ARHGEF37: variants seen among roughly 807,000 people sequenced by gnomAD.
The protein encoded by ARHGEF37 is Rho guanine nucleotide exchange factor 37, also known as Rho guanine nucleotide exchange factor (GEF) 37.
ARHGEF37 carries 55 observed loss-of-function variants against 71.1 expected under a neutral mutation model. That is an observed-to-expected ratio of 0.77 (90% CI 0.62 to 0.97). The LOEUF (loss-of-function observed/expected upper bound fraction) is 0.97, where lower values mean the gene tolerates loss of function less well. Among genes scored for constraint, ARHGEF37 ranks in the 50% least tolerant of loss-of-function variants. The pLI, the probability that ARHGEF37 is intolerant of heterozygous loss-of-function variation, is 0.00. For synonymous variants in ARHGEF37, 327 were observed against 350.6 expected, an observed-to-expected ratio of 0.93 and a Z score of 0.75; for missense variants, 765 against 836.8, an observed-to-expected ratio of 0.91 and a Z score of 1.06.
chr5:149,551,625 A>C (rs1264025662), upstream of ARHGEF37: 1 of 152,120 alleles, frequency 6.6e-6, no homozygotes, highest in Non-Finnish European at 1.5e-5. Context: ...GCTCTCTTCC[A>C]CTTCCGGTCG....
At chr5:149,590,795 C>T (rs1763384019) in intron 1 of ARHGEF37, among the ~76,000 whole-genome samples, 1 of 152,040 alleles carries the variant, frequency 6.6e-6, no homozygotes, top group African/African-American at 2.4e-5. Context: ...GATGGGGTTT[C>T]ACCACGTTGC....
intron 1 of ARHGEF37, among the ~76,000 whole-genome samples, chr5:149,590,953 A>G (rs1763387973): frequency 6.6e-6 from 1 of 152,240 alleles, no homozygotes; most frequent in Non-Finnish European, 1.5e-5. Flanking sequence ...AATCAAACAC[A>G]AACATGTATT....
chr5:149,554,846 T>C (rs910699542), intron 1 of ARHGEF37, among the ~76,000 whole-genome samples: 3 of 152,052 alleles, frequency 2.0e-5, no homozygotes, highest in African/African-American at 7.2e-5. Flanking sequence ...GAAAGGAGTC[T>C]TTTAGGCCAG....
At chr5:149,552,098 A>G (rs1215976315) in exon 1 of ARHGEF37, 1 of 151,996 alleles carries the variant, frequency 6.6e-6, no homozygotes, top group Non-Finnish European at 1.5e-5. Flanking sequence ...CCTCACTACC[A>G]CATATGATCT....
Position 149,628,646 on chromosome 5 carries a change from C to T in ARHGEF37, c.1661-163C>T, listed in dbSNP as rs1009610838. ...GGGGTGTGTGAGCAGAAGCCAGAAA[C>T]GGTGAGTGTGGGGCAGGGGGGTTCA... On this transcript the variant is annotated intron_variant, in intron 11 of 12. Coordinates refer to ENST00000333677, the MANE Select transcript of ARHGEF37 (RefSeq NM_001001669.3). 1.4e-4 allele frequency among the ~76,000 whole-genome samples: 21 copies of T among 152,298 alleles called. No individual in the cohort carries two copies. In the East Asian group the frequency reaches 1.7e-3, roughly 13 times the overall value.
chr5:149,619,201 A>G (rs1752465202), intron 7 of ARHGEF37, among the ~76,000 whole-genome samples, 159 bp downstream of exon 7: 1 of 151,816 alleles, frequency 6.6e-6, no homozygotes, highest in African/African-American at 2.4e-5. Flanking sequence ...GCTGGCCAGC[A>G]CTCCTCAGCC....
intron 1 of ARHGEF37, among the ~76,000 whole-genome samples, chr5:149,588,188 T>C (rs994379194): frequency 6.8e-6 from 1 of 147,330 alleles, no homozygotes. Flanking sequence ...TGAGCCACGG[T>C]GCCCGGCCTT....
Position 149,588,546 on chromosome 5 carries a change from G to A in ARHGEF37, c.-12+6922G>A, listed in dbSNP as rs138814111. The stretch of plus-strand genomic sequence containing the variant: ...ACTCCTGGCCTCATGTGATCTGCCC[G>A]CCTGACCTTCCAAAGTGCTGGGATT... On this transcript the variant is annotated intron_variant, in intron 1 of 12. Coordinates refer to ENST00000333677, the MANE Select transcript of ARHGEF37 (RefSeq NM_001001669.3). Among the ~76,000 whole-genome samples, 307 of 151,944 alleles carry A rather than the reference G, an allele frequency of 2.0e-3. 1 individual carries two copies. The highest frequency in any genetic ancestry group is 7.1e-3 in the African/African-American group (296 of 41,454).
Position 149,618,410 on chromosome 5 carries a change from A to G in ARHGEF37, c.789+104A>G, listed in dbSNP as rs532667185. The G allele has an allele frequency of 9.4e-4, 1,414 of 1,511,000 alleles. 1 individual carries two copies. The highest frequency in any genetic ancestry group is 1.2e-3 in the Non-Finnish European group (1,309 of 1,122,234). The allele number at this position is 1,511,000 out of a possible 1,614,324, so 93.6% of individuals were successfully genotyped here. A position where few individuals can be genotyped will look rare whatever the true frequency, so the allele number is the denominator to read the frequency against. On this transcript the variant is annotated intron_variant, in intron 6 of 12. Transcript: ENST00000333677. ...TTAGGCTCCTTTCAGAACTGAGGCA[A>G]TGGAGGCTGAGAGATTGAGGTGCTG...
intron 4 of ARHGEF37, among the ~76,000 whole-genome samples, chr5:149,611,993 GAC>G (rs1752200190): frequency 6.6e-6 from 1 of 152,104 alleles, no homozygotes; most frequent in Non-Finnish European, 1.5e-5. Flanking sequence ...CATATGCTTG[GAC>G]ACCACTACTA....
At chr5:149,609,846 C>A in intron 4 of ARHGEF37, 151 bp downstream of exon 4, 1 of 988,940 alleles carries the variant, frequency 1.0e-6, no homozygotes, top group Non-Finnish European at 1.5e-6. Flanking sequence ...CAGGCTGTGC[C>A]ACAGAGACAA....
intron 1 of ARHGEF37, among the ~76,000 whole-genome samples, chr5:149,552,612 C>T (rs2113221424): frequency 1.3e-5 from 2 of 151,796 alleles, no homozygotes; most frequent in East Asian, 3.9e-4. Context: ...CCGGGGCGGG[C>T]AGATCACTTG....
At chr5:149,609,767 C>T in intron 4 of ARHGEF37, 72 bp downstream of exon 4, 4 of 1,587,798 alleles carry the variant, frequency 2.5e-6, no homozygotes, top group East Asian at 2.2e-5. Context: ...TGGTCTCACC[C>T]CTTTTTCATG....
intron 1 of ARHGEF37, among the ~76,000 whole-genome samples, chr5:149,585,290 C>T (rs932118244): frequency 2.6e-5 from 4 of 152,118 alleles, no homozygotes; most frequent in South Asian, 2.1e-4. Context: ...TCATGTTATC[C>T]GGAAACTTCA....
chr5:149,609,417 C>A, intron 3 of ARHGEF37, 131 bp from the exon 4 acceptor site: 2 of 969,490 alleles, frequency 2.1e-6, no homozygotes, highest in Non-Finnish European at 1.6e-6. Context: ...GTCATTTGCC[C>A]ATGGTGACAT....
At chr5:149,611,871 A>G (rs1580921033) in intron 4 of ARHGEF37, among the ~76,000 whole-genome samples, 1 of 152,242 alleles carries the variant, frequency 6.6e-6, no homozygotes, top group South Asian at 2.1e-4. Context: ...ATAAATAAAT[A>G]TATCTCTTCT....
exon 1 of ARHGEF37, chr5:149,552,069 CTA>C (rs964073469): frequency 6.6e-6 from 1 of 152,078 alleles, no homozygotes; most frequent in Non-Finnish European, 1.5e-5. Context: ...CCCTGCCATC[CTA>C]TGTCTTTGCA....
rs764275103 is a variant in ARHGEF37 at position 149,597,791 on chromosome 5, G to A, written c.22G>A (p.Glu8Lys). 22 of 1,568,860 alleles carry A rather than the reference G, an allele frequency of 1.4e-5. No homozygotes were observed. Among genetic ancestry groups the A allele is most frequent in the South Asian group, 2.4e-5 (2 of 84,884 alleles). The change falls in exon 2 of 13, where the codon GAG becomes AAG. Residue 8 changes from glutamate (E) to lysine (K), a missense_variant. Physicochemically the swap from Glu to Lys is moderately conservative, Grantham distance 56. Coordinates refer to ENST00000333677, the MANE Select transcript of ARHGEF37 (RefSeq NM_001001669.3). MAKHGAD[E>K]PSSRSGSPDR... ...TGACATGGCCAAGCATGGAGCCGAC[G>A]AGCCATCCTCCAGGTCAGGGAGTCC...
At position 149,597,235 on chromosome 5, in the gene ARHGEF37, A is replaced by C. The variant is rs369542855; in HGVS notation, c.-11-524A>C. 4.3e-3 allele frequency among the ~76,000 whole-genome samples: 655 copies of C among 152,156 alleles called. 8 individuals carry two copies. Among genetic ancestry groups the C allele is most frequent in the African/African-American group, 0.015 (635 of 41,508 alleles). On this transcript the variant is annotated intron_variant, in intron 1 of 12. Coordinates refer to ENST00000333677, the MANE Select transcript of ARHGEF37 (RefSeq NM_001001669.3). ...ATGTTGTCTGGGTCCTGGGAAATGAATTCAAAATGTCAAGAATTATCTATT... is the reference window on the plus strand; with the variant it reads ...ATGTTGTCTGGGTCCTGGGAAATGACTTCAAAATGTCAAGAATTATCTATT...
Sources: gnomAD v4.1 joint callset for allele counts (sites outside exome capture counted in the v4.1 genomes callset) on GRCh38, gnomAD v4.1.1 for gene constraint, MANE v1.5 for transcripts, NCBI Gene and HGNC (gene_info 2026-07-23, HGNC 2026-07-21) for gene names.